Variants in NEK1 observed in about 807,000 individuals in gnomAD.
NEK1 encodes serine/threonine-protein kinase Nek1.
In NEK1, 137 loss-of-function variants were observed where a neutral mutation model predicts 182.1. The observed-to-expected ratio is 0.75, with a 90% confidence interval of 0.65 to 0.87. The LOEUF is 0.87. Ranked by LOEUF, NEK1 falls within the 40% of genes least tolerant of loss-of-function variation. The probability of loss-of-function intolerance (pLI) is 0.00; values close to 1 mark genes in which losing one functional copy is unlikely to be tolerated. For synonymous variants in NEK1, 513 were observed against 492.2 expected (o/e 1.04, Z -0.56); for missense variants, 1,391 against 1,494.4 (o/e 0.93, Z 1.14).
At chr4:169,454,988 T>G (rs930821867) in intron 27 of NEK1, among the ~76,000 whole-genome samples, 2 of 152,214 alleles carry the variant, frequency 1.3e-5, no homozygotes, top group South Asian at 4.1e-4. Context: ...CATGGAATAC[T>G]ACGCAGCCAT....
At chr4:169,428,225 A>AAAGGAACT (rs1259191351) in intron 29 of NEK1, among the ~76,000 whole-genome samples, 2 of 151,726 alleles carry the variant, frequency 1.3e-5, no homozygotes, top group Non-Finnish European at 2.9e-5. Context: ...GTATATACCC[A>AAAGGAACT]AAGGAACTGA....
chr4:169,399,818 T>C (rs533820237), intron 35 of NEK1, among the ~76,000 whole-genome samples: 4 of 151,730 alleles, frequency 2.6e-5, no homozygotes, highest in African/African-American at 9.7e-5. Context: ...AGAGATAGGG[T>C]TTCACTATGT....
At chr4:169,556,513 T>C (rs1762179241) in intron 16 of NEK1, among the ~76,000 whole-genome samples, 1 of 152,144 alleles carries the variant, frequency 6.6e-6, no homozygotes, top group African/African-American at 2.4e-5. Flanking sequence ...ATATGGCTTT[T>C]AATATACCCC....
intron 23 of NEK1, among the ~76,000 whole-genome samples, chr4:169,500,818 T>C (rs1014462925): frequency 6.6e-6 from 1 of 152,126 alleles, no homozygotes; most frequent in Non-Finnish European, 1.5e-5. Context: ...TACATGTAAG[T>C]TCAAAGCAAC....
chr4:169,426,097 A>G, intron 30 of NEK1, 49 bp downstream of exon 30: 1 of 1,365,702 alleles, frequency 7.3e-7, no homozygotes. Context: ...GATGTTAATA[A>G]TCATTAACAT....
At chr4:169,590,435 A>G (rs1001317933) in intron 6 of NEK1, among the ~76,000 whole-genome samples, 12 of 152,166 alleles carry the variant, frequency 7.9e-5, no homozygotes, top group African/African-American at 2.9e-4. Flanking sequence ...ATTAAGGGTT[A>G]CCAGAGTCTA....
At chr4:169,489,447 G>T (rs1367054845) in intron 23 of NEK1, among the ~76,000 whole-genome samples, 1 of 152,194 alleles carries the variant, frequency 6.6e-6, no homozygotes, top group African/African-American at 2.4e-5. Flanking sequence ...GAATGTCAGA[G>T]AATAGCAAGG....
At position 169,576,981 on chromosome 4, in the gene NEK1, T is replaced by C. The variant is rs748937127; in HGVS notation, c.967A>G (p.Lys323Glu). ...AKYGIPLAYK[K>E]YGDKKLHEKK... ...TCGTGTAATTTTTTATCTCCATATT[T>C]CTTATATGCTAAAGGTATTCCATAT... The change falls in exon 12 of 36, where the codon AAA becomes GAA. Residue 323 changes from lysine to glutamate, a missense_variant. By Grantham distance (56) the Lys-to-Glu change is moderately conservative. Transcript: ENST00000507142. 6.2e-7 allele frequency: 1 copy of C among 1,612,980 alleles called. No individual in the cohort carries two copies. The highest frequency in any genetic ancestry group is 1.1e-5 in the South Asian group (1 of 91,048).
chr4:169,594,273 C>T (rs1581037319), intron 5 of NEK1, among the ~76,000 whole-genome samples: 1 of 152,118 alleles, frequency 6.6e-6, no homozygotes, highest in Non-Finnish European at 1.5e-5. Flanking sequence ...ACTGAGATTT[C>T]TATGTGTAAT....
intron 35 of NEK1, among the ~76,000 whole-genome samples, chr4:169,397,553 A>T (rs1159789643): frequency 6.6e-6 from 1 of 152,164 alleles, no homozygotes; most frequent in East Asian, 1.9e-4. Flanking sequence ...TTGCCAGGGT[A>T]GGCATCTTCA....
intron 12 of NEK1, among the ~76,000 whole-genome samples, chr4:169,567,234 C>T (rs569020025): frequency 3.6e-4 from 54 of 152,092 alleles, no homozygotes; most frequent in Middle Eastern, 3.4e-3. Context: ...AATCGACTGC[C>T]GTTTCTTTTT....
intron 26 of NEK1, among the ~76,000 whole-genome samples, chr4:169,466,862 A>T (rs1350138034): frequency 6.0e-4 from 6 of 10,078 alleles, no homozygotes; most frequent in African/African-American, 1.2e-3. Flanking sequence ...TTTATAGCAT[A>T]AAAAAAAAAT....
chr4:169,588,812 C>T, intron 7 of NEK1, 77 bp from the exon 8 acceptor site: 1 of 875,822 alleles, frequency 1.1e-6, no homozygotes. Flanking sequence ...TGGTCTACAG[C>T]AGATCGCATA....
rs539980626 is a variant in NEK1, at chr4:169,568,864, G to A, written c.1021-6668C>T. On this transcript the variant is annotated intron_variant, in intron 12 of 35. Transcript: ENST00000507142. Reference sequence around the variant, plus strand: ...AGGCAGGAGAATTGCCTGAACCTGGGAGGCAGAGGTTGCAGTGAGCCGAGA... The same window carrying A: ...AGGCAGGAGAATTGCCTGAACCTGGAAGGCAGAGGTTGCAGTGAGCCGAGA... Among the ~76,000 whole-genome samples, 176 of 151,138 alleles carry A rather than the reference G, an allele frequency of 1.2e-3. 2 individuals are homozygous for A. Among genetic ancestry groups the A allele is most frequent in the African/African-American group, 3.8e-3 (155 of 40,932 alleles).
At position 169,555,850 on chromosome 4, in the gene NEK1, C is replaced by T; in HGVS notation, c.1432G>A (p.Gly478Arg). ...CCTGGACGAACTCCAGGCAGAATTC[C>T]TCTGTAGATAAATATGCACAGTGAC... ...EIYGRGLPERGILPGVRPGFP... is the reference protein window; with the variant it reads ...EIYGRGLPERRILPGVRPGFP... Residue 478 changes from glycine (G) to arginine (R), a missense_variant and splice_region_variant, in exon 18 of 36, where the codon GGA (glycine) becomes AGA (arginine). This residue lies in a region of NEK1 where 1,216 missense variants were observed against 1,277.6 expected (regional missense o/e 0.95). Coordinates refer to ENST00000507142, the MANE Select transcript of NEK1 (RefSeq NM_001199397.3). 2 of 1,613,908 alleles carry T rather than the reference C, an allele frequency of 1.2e-6. No homozygotes were observed. The highest frequency in any genetic ancestry group is 1.6e-4 in the Middle Eastern group (1 of 6,062).
intron 24 of NEK1, among the ~76,000 whole-genome samples, chr4:169,478,181 T>A (rs1747319953): frequency 6.6e-6 from 1 of 152,080 alleles, no homozygotes; most frequent in Non-Finnish European, 1.5e-5. Flanking sequence ...TGTAGAAGAT[T>A]CAAAGAACAA....
chr4:169,474,903 T>C (rs9968532), intron 26 of NEK1, among the ~76,000 whole-genome samples: 45,800 of 152,138 alleles, frequency 0.3, 10,043 homozygotes, highest in African/African-American at 0.63. Context: ...CTACTTCTTA[T>C]TAAGATGGTA....
At chr4:169,558,490 G>T (rs1762457752) in intron 16 of NEK1, among the ~76,000 whole-genome samples, 1 of 152,118 alleles carries the variant, frequency 6.6e-6, no homozygotes, top group South Asian at 2.1e-4. Context: ...GGTTGGATTT[G>T]CCTTTCCCAT....
rs571448301 is a variant in NEK1 at position 169,556,383 on chromosome 4, C to T, written c.1267-288G>A. Among the ~76,000 whole-genome samples the T allele has an allele frequency of 3.6e-4, 54 of 152,004 alleles. 1 individual carries two copies. The highest frequency in any genetic ancestry group is 6.9e-4 in the Non-Finnish European group (47 of 68,008). On this transcript the variant is annotated intron_variant, in intron 16 of 35. Transcript: ENST00000507142. The stretch of plus-strand genomic sequence containing the variant: ...TATGGAAAAATTTGATCTTAATTAA[C>T]AGGTTTTGAAACAAGCTTCCAATAT...
Sources: gnomAD v4.1 joint callset for allele counts (sites outside exome capture counted in the v4.1 genomes callset) on GRCh38, gnomAD v4.1.1 for gene constraint, gnomAD v4.1.1 regional missense constraint, MANE v1.5 for transcripts, NCBI Gene and HGNC (gene_info 2026-07-23, HGNC 2026-07-21) for gene names.